The following TJP2 variants were observed in gnomAD, a reference collection of about 807,000 sequenced individuals.
TJP2 encodes the protein tight junction protein 2.
Under a neutral mutation model 133.1 loss-of-function variants are expected in TJP2, and 91 were observed. The ratio of observed to expected loss-of-function variants is 0.68; its 90% CI spans 0.58 to 0.81. TJP2 has a LOEUF of 0.81. TJP2 is among the 40% of genes least tolerant of loss of function. The probability of loss-of-function intolerance (pLI) is 0.00; values close to 1 mark genes in which losing one functional copy is unlikely to be tolerated. For synonymous variants in TJP2, 592 were observed against 583.4 expected (o/e 1.01, Z -0.21); for missense variants, 1,541 against 1,565.6 (o/e 0.98, Z 0.26).
chr9:69,201,893 G>T (rs1827022854), intron 1 of TJP2, among the ~76,000 whole-genome samples: 1 of 151,856 alleles, frequency 6.6e-6, no homozygotes, highest in African/African-American at 2.4e-5. Context: ...CCACTTATAT[G>T]ATGTGTCTAA....
chr9:69,227,047 A>G (rs1165304908), intron 7 of TJP2, among the ~76,000 whole-genome samples: 23 of 152,250 alleles, frequency 1.5e-4, no homozygotes, highest in Admixed American at 1.5e-3. Flanking sequence ...AGTATATTCT[A>G]CTGAACCATC....
At chr9:69,151,552 G>A (rs948828370) in intron 1 of TJP2, 12 of 1,200,614 alleles carry the variant, frequency 1.0e-5, no homozygotes, top group South Asian at 8.7e-5. Context: ...TCCTAAAAAC[G>A]GGCAAATTGT....
At chr9:69,215,977 T>C (rs1029712728) in intron 2 of TJP2, among the ~76,000 whole-genome samples, 1 of 152,200 alleles carries the variant, frequency 6.6e-6, no homozygotes, top group Admixed American at 6.5e-5. Flanking sequence ...TTTACTGAAG[T>C]TGTTCCAGCT....
intron 1 of TJP2, among the ~76,000 whole-genome samples, chr9:69,135,661 A>C (rs1822700643): frequency 6.6e-6 from 1 of 151,598 alleles, no homozygotes; most frequent in Admixed American, 6.6e-5. Flanking sequence ...GCTGGAGTGC[A>C]GTGGCGTGAT....
chr9:69,218,559 C>A, intron 4 of TJP2, 200 bp downstream of exon 4: 1 of 605,326 alleles, frequency 1.7e-6, no homozygotes, highest in Non-Finnish European at 3.0e-6. Context: ...CTCCTGAGGC[C>A]AGTGATTCTC....
At chr9:69,239,617 C>G (rs1830445817) in intron 16 of TJP2, among the ~76,000 whole-genome samples, 2 of 152,098 alleles carry the variant, frequency 1.3e-5, no homozygotes, top group Non-Finnish European at 2.9e-5. Flanking sequence ...TTGGGACCAG[C>G]CTGGCCAACA....
At chr9:69,230,507 CTAAG>C (rs1829692284) in intron 11 of TJP2, among the ~76,000 whole-genome samples, 1 of 152,208 alleles carries the variant, frequency 6.6e-6, no homozygotes, top group Non-Finnish European at 1.5e-5. Flanking sequence ...TATTGAGACT[CTAAG>C]TAAGCACTTA....
intron 1 of TJP2, among the ~76,000 whole-genome samples, chr9:69,175,286 A>G (rs755342880): frequency 2.1e-4 from 32 of 152,260 alleles, no homozygotes; most frequent in Admixed American, 3.9e-4. Flanking sequence ...GAGTCATCCC[A>G]TGATAGAAAC....
rs181744254 is a variant in TJP2 at position 69,237,403 on chromosome 9, T to C, written c.2179+267T>C. 1.1e-3 allele frequency among the ~76,000 whole-genome samples: 167 copies of C among 152,318 alleles called. 4 individuals are homozygous for C. The East Asian group carries it at 0.025, about 23-fold the overall frequency. The stretch of plus-strand genomic sequence containing the variant: ...TATATTGGCTGGGCACTGTACCTTA[T>C]GCCTATAATCGTAGCACTTTGGGAG... On this transcript the variant is annotated intron_variant, in intron 14 of 22. Transcript: ENST00000377245.
chr9:69,163,758 G>A (rs547778399), intron 2 of TJP2, among the ~76,000 whole-genome samples: 24 of 152,246 alleles, frequency 1.6e-4, no homozygotes, highest in South Asian at 1.0e-3. Flanking sequence ...ACAGGCGTGC[G>A]TGAGCTGCCA....
intron 13 of TJP2, 128 bp downstream of exon 13, chr9:69,236,366 T>C: frequency 2.1e-6 from 2 of 944,824 alleles, no homozygotes; most frequent in East Asian, 5.2e-5. Flanking sequence ...CATCTATTTC[T>C]TGTTTATGGA....
Position 69,187,966 on chromosome 9 carries a change from A to C in TJP2, c.60+13534A>C, listed in dbSNP as rs1374886676. On this transcript the variant is annotated intron_variant, in intron 1 of 22. Transcript: ENST00000377245. ...AAAGCACTTTGCAGGAAATATGGAG[A>C]TCTTCTGAACCTGTGGCTTTGTGTT... is the stretch of plus-strand genomic sequence containing the variant. Among the ~76,000 whole-genome samples, 3 of 152,122 alleles carry C rather than the reference A, an allele frequency of 2.0e-5. No individual in the cohort carries two copies. The East Asian group carries it at 5.8e-4, about 29-fold the overall frequency.
intron 2 of TJP2, among the ~76,000 whole-genome samples, chr9:69,169,217 G>A (rs1440741146): frequency 6.6e-6 from 1 of 152,142 alleles, no homozygotes; most frequent in Non-Finnish European, 1.5e-5. Context: ...TTTATAAATT[G>A]TCATTATCTT....
intron 2 of TJP2, among the ~76,000 whole-genome samples, chr9:69,213,459 C>T (rs1828100867): frequency 6.6e-6 from 1 of 152,178 alleles, no homozygotes; most frequent in South Asian, 2.1e-4. Flanking sequence ...CTGAATTCCT[C>T]CAAGGTCTGA....
At chr9:69,157,143 T>C (rs1823812131) in intron 2 of TJP2, among the ~76,000 whole-genome samples, 1 of 152,192 alleles carries the variant, frequency 6.6e-6, no homozygotes, top group Admixed American at 6.5e-5. Flanking sequence ...TCCATTCAGA[T>C]GGTTGCAGGG....
At chr9:69,138,874 A>G (rs1001878221) in intron 1 of TJP2, among the ~76,000 whole-genome samples, 51 of 151,498 alleles carry the variant, frequency 3.4e-4, no homozygotes, top group African/African-American at 1.2e-3. Flanking sequence ...CTGAGATCGC[A>G]CCACTGCACT....
chr9:69,250,399 C>T (rs1831246983), intron 20 of TJP2, among the ~76,000 whole-genome samples: 1 of 152,178 alleles, frequency 6.6e-6, no homozygotes, highest in Non-Finnish European at 1.5e-5. Flanking sequence ...CCACTGCGCC[C>T]AGCCTAACTC....
At chr9:69,234,358 A>C in intron 11 of TJP2, 81 bp from the exon 12 acceptor site, 1 of 1,225,234 alleles carries the variant, frequency 8.2e-7, no homozygotes. Context: ...TCTTACTATA[A>C]ACTTCTCTGT....
upstream of TJP2, among the ~76,000 whole-genome samples, chr9:69,169,370 G>GC (rs1554773227): frequency 2.6e-4 from 14 of 53,210 alleles, no homozygotes; most frequent in Non-Finnish European, 4.8e-4. Flanking sequence ...TTTTTTTTTT[G>GC]GGGGGGGGAT....
Sources: allele counts gnomAD v4.1 joint callset (sites outside exome capture counted in the v4.1 genomes callset), GRCh38; gene constraint gnomAD v4.1.1; transcripts MANE v1.5; gene names NCBI Gene and HGNC (gene_info 2026-07-23, HGNC 2026-07-21).